The following COG6 variants were observed in gnomAD, a reference collection of about 807,000 sequenced individuals.
The protein encoded by COG6 is conserved oligomeric Golgi complex subunit 6.
A neutral mutation model predicts 88.8 loss-of-function variants in COG6; 74 were observed. The ratio of observed to expected loss-of-function variants is 0.83; its 90% CI spans 0.69 to 1.01. COG6 has a LOEUF of 1.01. COG6 is among the 50% of genes least tolerant of loss of function. The probability of loss-of-function intolerance (pLI) is 0.00; values close to 1 mark genes in which losing one functional copy is unlikely to be tolerated. For missense variants in COG6, 800 were observed against 797.9 expected, an observed-to-expected ratio of 1.00 and a Z score of -0.03; for synonymous variants, 286 against 278.7, an observed-to-expected ratio of 1.03 and a Z score of -0.26.
chr13:39,722,149 A>G (rs1878881812), intron 15 of COG6, among the ~76,000 whole-genome samples: 1 of 151,830 alleles, frequency 6.6e-6, no homozygotes, highest in African/African-American at 2.4e-5. Flanking sequence ...TTTGCTCTGT[A>G]TTACTTTCCT....
chr13:39,722,581 A>G (rs886592639), intron 15 of COG6, among the ~76,000 whole-genome samples: 3 of 151,038 alleles, frequency 2.0e-5, no homozygotes, highest in Non-Finnish European at 4.4e-5. Flanking sequence ...GGTGAGGAAT[A>G]GAAGGAAGAC....
chr13:39,783,517 A>G (rs1881689653), intron 18 of COG6, among the ~76,000 whole-genome samples: 1 of 152,128 alleles, frequency 6.6e-6, no homozygotes, highest in Non-Finnish European at 1.5e-5. Context: ...GTTTGATGTT[A>G]AATTCTTAGA....
intron 18 of COG6, among the ~76,000 whole-genome samples, chr13:39,759,498 T>A (rs1232415455): frequency 6.6e-6 from 1 of 152,190 alleles, no homozygotes; most frequent in East Asian, 1.9e-4. Flanking sequence ...TCAGTTAATC[T>A]TTCCTAATTT....
chr13:39,667,051 C>T (rs553156749), intron 4 of COG6, among the ~76,000 whole-genome samples: 45 of 152,192 alleles, frequency 3.0e-4, no homozygotes, highest in African/African-American at 1.1e-3. Flanking sequence ...TTCTCTCACC[C>T]TAATTTTAGT....
intron 13 of COG6, among the ~76,000 whole-genome samples, chr13:39,702,490 A>G (rs1342682817): frequency 6.6e-6 from 1 of 152,044 alleles, no homozygotes; most frequent in Non-Finnish European, 1.5e-5. Context: ...AGTATATAAA[A>G]TAAATTTTAT....
chr13:39,686,472 A>C (rs1290350459), intron 8 of COG6, among the ~76,000 whole-genome samples: 1 of 152,182 alleles, frequency 6.6e-6, no homozygotes, highest in Non-Finnish European at 1.5e-5. Flanking sequence ...CAGTTCCTTC[A>C]CCTTAGAAAG....
chr13:39,779,410 T>C (rs1400372561), intron 18 of COG6, among the ~76,000 whole-genome samples: 3 of 152,218 alleles, frequency 2.0e-5, no homozygotes, highest in Admixed American at 6.5e-5. Flanking sequence ...CATCATCCTA[T>C]TGGGCTTTGC....
At chr13:39,758,009 CAA>C (rs1880894441) in intron 18 of COG6, among the ~76,000 whole-genome samples, 1 of 151,266 alleles carries the variant, frequency 6.6e-6, no homozygotes. Flanking sequence ...ATCATGAAGT[CAA>C]GAGATCGAGA....
Position 39,751,229 on chromosome 13 carries a change from T to G in COG6, c.*136T>G, listed in dbSNP as rs1880611013. The stretch of plus-strand genomic sequence containing the variant: ...TCATAAGATTGTAAGTCCCGATAAT[T>G]TTTTTTTTTTTGGTCTCAGTAACAG... On this transcript the variant is annotated 3_prime_UTR_variant, in exon 19 of 19. Transcript: ENST00000455146. 7.9e-7 allele frequency: 1 copy of G among 1,262,646 alleles called. No homozygotes were observed. Among genetic ancestry groups the G allele is most frequent in the Non-Finnish European group, 1.1e-6 (1 of 945,680 alleles). The allele number at this position is 1,262,646 out of a possible 1,614,324, so 78.2% of individuals were successfully genotyped here. A position where few individuals can be genotyped will look rare whatever the true frequency, so the allele number is the denominator to read the frequency against.
intron 18 of COG6, among the ~76,000 whole-genome samples, chr13:39,782,661 T>G (rs1472507770): frequency 6.6e-6 from 1 of 152,136 alleles, no homozygotes; most frequent in Non-Finnish European, 1.5e-5. Context: ...ACAAGCTGAT[T>G]GTGTTTGGAG....
intron 18 of COG6, among the ~76,000 whole-genome samples, chr13:39,763,769 G>A (rs1383342756): frequency 2.0e-5 from 3 of 151,706 alleles, no homozygotes; most frequent in Non-Finnish European, 4.4e-5. Context: ...AAACCCAGTG[G>A]TCATAATGTA....
chr13:39,727,690 G>A, intron 18 of COG6, 142 bp downstream of exon 18: 1 of 726,876 alleles, frequency 1.4e-6, no homozygotes, highest in Non-Finnish European at 2.5e-6. Flanking sequence ...CTTCTGCCTT[G>A]GCATGCCAAA....
At position 39,689,823 on chromosome 13, in the gene COG6, A is replaced by C. The variant is rs141474274; in HGVS notation, c.1073A>C (p.Lys358Thr). ...ACTGAAGGTGTGTGCAGGCCTCTAA[A>C]GGTAAAATATTTTGTTTTTACATAT... ...HITEGVCRPL[K>T]VRIEQVIVAE... Residue 358 changes from lysine to threonine, a missense_variant and splice_region_variant, in exon 11 of 19, where the codon AAG becomes ACG. Transcript: ENST00000455146. The C allele has an allele frequency of 9.3e-6, 15 of 1,606,868 alleles. No homozygotes were observed. The highest frequency in any genetic ancestry group is 1.2e-5 in the Non-Finnish European group (14 of 1,174,592).
chr13:39,782,023 G>T (rs1046203209), intron 18 of COG6, among the ~76,000 whole-genome samples: 1 of 152,168 alleles, frequency 6.6e-6, no homozygotes, highest in African/African-American at 2.4e-5. Flanking sequence ...AGTGGGAGAT[G>T]ATAGCATTCA....
intron 4 of COG6, among the ~76,000 whole-genome samples, chr13:39,674,028 A>G (rs7994306): frequency 1.7e-3 from 264 of 151,944 alleles, no homozygotes; most frequent in African/African-American, 6.1e-3. Context: ...GATGAAAAAT[A>G]TTATCACACC....
Position 39,751,807 on chromosome 13 carries a change from G to A in COG6, c.*714G>A. The A allele has an allele frequency of 7.8e-7, 1 of 1,287,168 alleles. No individual in the cohort carries two copies. Among genetic ancestry groups the A allele is most frequent in the Non-Finnish European group, 1.0e-6 (1 of 988,662 alleles). The allele number at this position is 1,287,168 out of a possible 1,614,324, so 79.7% of individuals were successfully genotyped here. ...TTCCACTCTGTGGGAGCCTTCGATG[G>A]AACTCAAGGTGGAGCTCAGCCTTTC... is the stretch of plus-strand genomic sequence containing the variant. On this transcript the variant is annotated 3_prime_UTR_variant, in exon 19 of 19. Coordinates refer to ENST00000455146, the MANE Select transcript of COG6 (RefSeq NM_020751.3).
At chr13:39,763,399 C>G (rs556965755) in intron 18 of COG6, among the ~76,000 whole-genome samples, 1 of 151,670 alleles carries the variant, frequency 6.6e-6, no homozygotes, top group Non-Finnish European at 1.5e-5. Context: ...ATGGTAATTG[C>G]GGTCACCCTT....
chr13:39,773,824 A>G lies in COG6; in HGVS notation c.1827-14511A>G, dbSNP rs183429021. 2.6e-5 allele frequency among the ~76,000 whole-genome samples: 4 copies of G among 151,750 alleles called. No homozygotes were observed. The East Asian group carries it at 7.7e-4, about 29-fold the overall frequency. On this transcript the variant is annotated intron_variant, in intron 18 of 18. Coordinates refer to the COG6 transcript ENST00000416691. ...TGTAAAACCTATCATGGTGTACTCTAATTGGTCCAGATGGAAATGGAAATT... is the reference window on the plus strand; with the variant it reads ...TGTAAAACCTATCATGGTGTACTCTGATTGGTCCAGATGGAAATGGAAATT...
intron 1 of COG6, among the ~76,000 whole-genome samples, chr13:39,658,162 A>G (rs1453764919): frequency 7.5e-6 from 1 of 134,174 alleles, no homozygotes; most frequent in Non-Finnish European, 1.6e-5. Flanking sequence ...TTTTTTTTTG[A>G]GACCAAGTCT....
Sources: gnomAD v4.1 joint callset for allele counts (sites outside exome capture counted in the v4.1 genomes callset) on GRCh38, gnomAD v4.1.1 for gene constraint, MANE v1.5 for transcripts, NCBI Gene and HGNC (gene_info 2026-07-23, HGNC 2026-07-21) for gene names.